The following ERC1 variants were observed in gnomAD, a reference collection of about 807,000 sequenced individuals.
The protein encoded by ERC1 is RAB6 interacting protein 2.
In ERC1, 56 loss-of-function variants were observed where a neutral mutation model predicts 132.0. The ratio of observed to expected loss-of-function variants is 0.42; its 90% CI spans 0.34 to 0.53. The LOEUF (loss-of-function observed/expected upper bound fraction) is 0.53. Ranked by LOEUF, ERC1 falls within the 20% of genes least tolerant of loss-of-function variation. The pLI is 0.03. For missense variants in ERC1, 1,202 were observed against 1,349.9 expected (o/e 0.89, Z 1.72); for synonymous variants, 478 against 476.1 (o/e 1.00, Z -0.05).
At chr12:1,022,093 T>G (rs1966475628) in intron 1 of ERC1, among the ~76,000 whole-genome samples, 1 of 152,226 alleles carries the variant, frequency 6.6e-6, no homozygotes, top group South Asian at 2.1e-4. Context: ...CCTATCTCTA[T>G]TCTCCTATAG....
intron 2 of ERC1, among the ~76,000 whole-genome samples, chr12:1,074,054 G>GA (rs1940922442): frequency 0.013 from 1 of 80 alleles, no homozygotes; most frequent in South Asian, 0.5. Context: ...TAGTAGAGAC[G>GA]GCTTTCACCA....
chr12:1,313,732 T>C (rs1230633801), intron 15 of ERC1, among the ~76,000 whole-genome samples: 1 of 152,078 alleles, frequency 6.6e-6, no homozygotes, highest in Non-Finnish European at 1.5e-5. Flanking sequence ...ATGCCTGTAA[T>C]CCCAACACTT....
intron 16 of ERC1, among the ~76,000 whole-genome samples, chr12:1,395,887 TG>T (rs1176927741): frequency 2.1e-4 from 32 of 151,918 alleles, no homozygotes; most frequent in South Asian, 1.2e-3. Flanking sequence ...TAAATGGTGA[TG>T]TGCCCAAGAA....
At chr12:1,185,412 T>G (rs1954965940) in intron 11 of ERC1, among the ~76,000 whole-genome samples, 1 of 149,352 alleles carries the variant, frequency 6.7e-6, no homozygotes, top group Non-Finnish European at 1.5e-5. Flanking sequence ...TATACTCTGA[T>G]TTTTTTATTG....
intron 16 of ERC1, among the ~76,000 whole-genome samples, chr12:1,394,207 T>A (rs760920183): frequency 1.3e-5 from 2 of 151,316 alleles, no homozygotes; most frequent in South Asian, 4.2e-4. Context: ...GAGACCATCC[T>A]GGCTAACACG....
intron 7 of ERC1, among the ~76,000 whole-genome samples, chr12:1,122,599 G>C (rs56923388): frequency 0.016 from 59 of 3,768 alleles, 3 homozygotes; most frequent in South Asian, 0.033. Flanking sequence ...ATCTCTATCT[G>C]TGTCTCTATC....
At chr12:1,001,831 A>G (rs982093640) in intron 1 of ERC1, among the ~76,000 whole-genome samples, 5 of 149,090 alleles carry the variant, frequency 3.4e-5, no homozygotes, top group African/African-American at 1.2e-4. Context: ...GGATTATGCC[A>G]CTATGACTAT....
chr12:1,458,196 C>T (rs899256613), intron 18 of ERC1, among the ~76,000 whole-genome samples: 5 of 152,218 alleles, frequency 3.3e-5, no homozygotes, highest in Middle Eastern at 6.8e-3. Flanking sequence ...TTTTGGGAGG[C>T]GAGGGCTGAG....
At chr12:1,411,726 C>T (rs976125561) in intron 17 of ERC1, among the ~76,000 whole-genome samples, 7 of 152,092 alleles carry the variant, frequency 4.6e-5, no homozygotes, top group Admixed American at 4.6e-4. Flanking sequence ...TGAGCATGCC[C>T]CTACCTTGTC....
At chr12:1,025,829 G>T (rs1225141382) in intron 1 of ERC1, among the ~76,000 whole-genome samples, 1 of 131,736 alleles carries the variant, frequency 7.6e-6, no homozygotes, top group Non-Finnish European at 1.5e-5. Flanking sequence ...ACGGAGTCTC[G>T]CTCTTGTCAC....
chr12:1,309,701 A>G (rs1046436516), intron 15 of ERC1, among the ~76,000 whole-genome samples: 1 of 137,156 alleles, frequency 7.3e-6, no homozygotes, highest in Non-Finnish European at 1.5e-5. Flanking sequence ...TATTCTCATT[A>G]TGTGCACTCT....
At chr12:1,218,366 A>G (rs1958621153) in intron 12 of ERC1, among the ~76,000 whole-genome samples, 1 of 152,084 alleles carries the variant, frequency 6.6e-6, no homozygotes, top group Non-Finnish European at 1.5e-5. Flanking sequence ...TCACAAGTGT[A>G]CTAACCTGCC....
At chr12:1,161,100 G>A (rs531995543) in intron 8 of ERC1, among the ~76,000 whole-genome samples, 7 of 152,238 alleles carry the variant, frequency 4.6e-5, no homozygotes, top group South Asian at 2.1e-4. Context: ...TTTCTAAACC[G>A]TCCTCATTCC....
chr12:1,325,922 A>T (rs2154355823), intron 15 of ERC1, among the ~76,000 whole-genome samples: 1 of 152,242 alleles, frequency 6.6e-6, no homozygotes, highest in African/African-American at 2.4e-5. Context: ...CATTGTATAC[A>T]GTCTCTTTAG....
chr12:992,074 G>A (rs1050245887), intron 1 of ERC1, among the ~76,000 whole-genome samples: 5 of 152,148 alleles, frequency 3.3e-5, no homozygotes, highest in Non-Finnish European at 5.9e-5. Context: ...CACCGAAGAA[G>A]AGGGAGATCT....
rs149621010 is a variant in ERC1, at chr12:1,434,843, T to C, written c.3025-9719T>C. 8.5e-4 allele frequency among the ~76,000 whole-genome samples: 130 copies of C among 152,336 alleles called. 2 individuals carry two copies. The East Asian group carries it at 0.022, about 26-fold the overall frequency. On this transcript the variant is annotated intron_variant, in intron 17 of 18. Coordinates refer to ENST00000360905, the MANE Select transcript of ERC1 (RefSeq NM_178040.4). ...GAGCCTCTTTCGTCATAGTCAATTGTATATTTTCAAATAATAAAGCTTTGC... is the reference window on the plus strand; with the variant it reads ...GAGCCTCTTTCGTCATAGTCAATTGCATATTTTCAAATAATAAAGCTTTGC...
intron 12 of ERC1, among the ~76,000 whole-genome samples, chr12:1,202,603 G>A (rs1166148961): frequency 2.0e-5 from 3 of 152,130 alleles, no homozygotes; most frequent in African/African-American, 7.2e-5. Context: ...TTTGCAGTGA[G>A]CCAAGATTGC....
At chr12:1,219,635 C>CT (rs775838825) in intron 12 of ERC1, among the ~76,000 whole-genome samples, 142 of 140,676 alleles carry the variant, frequency 1.0e-3, no homozygotes, top group Admixed American at 1.4e-3. Flanking sequence ...ACTGAACTCT[C>CT]TTTTTTTTTT....
chr12:1,217,954 G>A (rs59594246), intron 12 of ERC1, among the ~76,000 whole-genome samples: 8,114 of 152,168 alleles, frequency 0.053, 465 homozygotes, highest in African/African-American at 0.15. Context: ...TTTGCAGACT[G>A]GTCTCACATT....
Sources: gnomAD v4.1 joint callset for allele counts (sites outside exome capture counted in the v4.1 genomes callset) on GRCh38, gnomAD v4.1.1 for gene constraint, MANE v1.5 for transcripts, NCBI Gene and HGNC (gene_info 2026-07-23, HGNC 2026-07-21) for gene names.